The following LMTK2 variants were observed in gnomAD, a reference collection of about 807,000 sequenced individuals.
The protein encoded by LMTK2 is serine/threonine-protein kinase LMTK2.
In LMTK2, 37 loss-of-function variants were observed where a neutral mutation model predicts 127.5. The observed-to-expected ratio is 0.29, with a 90% CI of 0.22 to 0.38. The LOEUF (loss-of-function observed/expected upper bound fraction) is 0.38, where lower values mean the gene tolerates loss of function less well. LMTK2 is among the 10% of genes least tolerant of loss of function. The pLI is 1.00. For synonymous variants in LMTK2, 819 were observed against 810.1 expected (o/e 1.01, Z -0.19); for missense variants, 1,694 against 1,920.3 (o/e 0.88, Z 2.20).
At chr7:98,191,419 G>T (rs1477898084) in intron 10 of LMTK2, among the ~76,000 whole-genome samples, 195 bp from the exon 11 acceptor site, 2 of 152,122 alleles carry the variant, frequency 1.3e-5, no homozygotes, top group Non-Finnish European at 2.9e-5. Context: ...GGGCGCGGCA[G>T]CGGGCGCCTG....
At chr7:98,131,147 T>A (rs1203466341) in intron 1 of LMTK2, among the ~76,000 whole-genome samples, 1 of 152,180 alleles carries the variant, frequency 6.6e-6, no homozygotes, top group Non-Finnish European at 1.5e-5. Flanking sequence ...AGTAGGTCAC[T>A]ATCTCCAAAA....
At chr7:98,173,222 G>T (rs530917801) in intron 7 of LMTK2, among the ~76,000 whole-genome samples, 2 of 152,222 alleles carry the variant, frequency 1.3e-5, no homozygotes, top group South Asian at 4.2e-4. Flanking sequence ...CTTCAAGGGG[G>T]GACAGAGGAA....
chr7:98,172,702 A>G (rs1797212151), intron 7 of LMTK2, among the ~76,000 whole-genome samples: 1 of 152,218 alleles, frequency 6.6e-6, no homozygotes, highest in South Asian at 2.1e-4. Flanking sequence ...TGACCTAAAA[A>G]GGAACACCTG....
chr7:98,193,360 G>A lies in LMTK2; in HGVS notation c.2895G>A (p.Val965=). The part of the protein sequence containing the change: ...SKDAAKEAGL[V]SALSSDSTSQ... The stretch of plus-strand genomic sequence containing the variant: ...ACGCAGCAAAAGAAGCAGGCTTGGT[G>A]TCTGCCCTCTCCTCGGACTCAACCA... Residue 965 remains valine, a synonymous_variant, in exon 11 of 14, where the codon GTG becomes GTA. Transcript: ENST00000297293. This position sits in a 1 kb window ranked among gnomAD's most constrained non-coding sequence, Gnocchi z 4.1. The A allele has an allele frequency of 1.2e-6, 2 of 1,614,172 alleles. No homozygotes were observed. Among genetic ancestry groups the A allele is most frequent in the South Asian group, 1.1e-5 (1 of 91,086 alleles).
chr7:98,145,288 AAAATC>A (rs1021655423), intron 3 of LMTK2, among the ~76,000 whole-genome samples: 1 of 152,138 alleles, frequency 6.6e-6, no homozygotes, highest in African/African-American at 2.4e-5. Context: ...AAAAAAAAAA[AAAATC>A]AATCACACAT....
intron 1 of LMTK2, among the ~76,000 whole-genome samples, chr7:98,122,532 AAACAAGGCATT>A (rs1319701620): frequency 2.0e-5 from 3 of 152,082 alleles, no homozygotes. Flanking sequence ...CAGCTCTTTA[AAACAAGGCATT>A]GTGACCCATG....
At chr7:98,163,787 G>C (rs1353495620) in intron 6 of LMTK2, among the ~76,000 whole-genome samples, 1 of 152,196 alleles carries the variant, frequency 6.6e-6, no homozygotes, top group African/African-American at 2.4e-5. Context: ...AGGCCTTTCT[G>C]ATCAGAGGGG....
chr7:98,184,120 C>T (rs989393845), intron 7 of LMTK2, among the ~76,000 whole-genome samples: 9 of 152,110 alleles, frequency 5.9e-5, no homozygotes, highest in African/African-American at 1.9e-4. Context: ...ATCCAAGTGC[C>T]CTGTTCAACC....
At chr7:98,139,168 C>T (rs1028492974) in intron 2 of LMTK2, among the ~76,000 whole-genome samples, 8 of 152,154 alleles carry the variant, frequency 5.3e-5, no homozygotes, top group African/African-American at 1.7e-4. Context: ...CTCTGTCACC[C>T]AGGCTGGATC....
chr7:98,108,888 C>G (rs781196181), intron 1 of LMTK2, among the ~76,000 whole-genome samples: 1 of 114,916 alleles, frequency 8.7e-6, no homozygotes, highest in Non-Finnish European at 1.7e-5. Flanking sequence ...GAGACGGAGT[C>G]TTGCTCTGTC....
rs140462193 is a variant in LMTK2 at position 98,201,845 on chromosome 7, A to G, written c.4108-1729A>G. Among the ~76,000 whole-genome samples the G allele has an allele frequency of 2.1e-3, 316 of 152,256 alleles. 3 individuals carry two copies. The highest frequency in any genetic ancestry group is 7.3e-3 in the African/African-American group (304 of 41,550). ...GGCTGGTTTTGAACTCCTGGCCTCA[A>G]GGGATCCTCCTGCTTCAGCCACCCA... On this transcript the variant is annotated intron_variant, in intron 11 of 13. Transcript: ENST00000297293.
In LMTK2 at chr7:98,193,519, C is replaced by G. The variant is rs1368024558; in HGVS notation, c.3054C>G (p.Pro1018=). ...TGGACTCTTTAGGATCTCACACTCC[C>G]CAGAAACTAGTGCCCCCCGATAAGC... ...ALLDSLGSHT[P]QKLVPPDKPA... The change falls in exon 11 of 14, where the codon CCC becomes CCG. Residue 1018 remains proline (P), a synonymous_variant. Coordinates refer to ENST00000297293, the MANE Select transcript of LMTK2 (RefSeq NM_014916.4). The surrounding 1 kb of genome is among the most constrained non-coding windows in gnomAD (Gnocchi z 4.1). The G allele has an allele frequency of 1.9e-6, 3 of 1,614,160 alleles. No homozygotes were observed. The highest frequency in any genetic ancestry group is 3.3e-5 in the Admixed American group (2 of 60,020).
chr7:98,119,505 A>T (rs1212316632), intron 1 of LMTK2, among the ~76,000 whole-genome samples: 1 of 152,150 alleles, frequency 6.6e-6, no homozygotes, highest in African/African-American at 2.4e-5. Flanking sequence ...TGAAATAAGT[A>T]TTTTTTTATT....
chr7:98,178,276 G>T (rs1182920487), intron 7 of LMTK2, among the ~76,000 whole-genome samples: 1 of 152,192 alleles, frequency 6.6e-6, no homozygotes, highest in Non-Finnish European at 1.5e-5. Flanking sequence ...TAGAGGTGTG[G>T]ATTATTTTGA....
intron 1 of LMTK2, among the ~76,000 whole-genome samples, chr7:98,126,414 G>T (rs1351592829): frequency 2.0e-5 from 3 of 152,188 alleles, no homozygotes. Flanking sequence ...TCCCGTTCCT[G>T]CATCGGCTTC....
At chr7:98,121,578 G>T (rs923259563) in intron 1 of LMTK2, among the ~76,000 whole-genome samples, 7 of 151,462 alleles carry the variant, frequency 4.6e-5, no homozygotes, top group African/African-American at 1.7e-4. Context: ...AGGTTGCAGT[G>T]AGCCGAGATT....
At chr7:98,130,759 C>T (rs1584252115) in intron 1 of LMTK2, among the ~76,000 whole-genome samples, 1 of 152,294 alleles carries the variant, frequency 6.6e-6, no homozygotes, top group East Asian at 1.9e-4. Flanking sequence ...AACCCTGCCA[C>T]CACAGCCCTC....
At chr7:98,126,164 GCAGA>G (rs1002944579) in intron 1 of LMTK2, among the ~76,000 whole-genome samples, 5 of 152,202 alleles carry the variant, frequency 3.3e-5, no homozygotes, top group African/African-American at 1.2e-4. Flanking sequence ...GAAGTAAGGA[GCAGA>G]CATTTAGGCC....
chr7:98,128,698 C>T (rs1796478225), intron 1 of LMTK2, among the ~76,000 whole-genome samples: 1 of 152,134 alleles, frequency 6.6e-6, no homozygotes, highest in African/African-American at 2.4e-5. Context: ...GTCCTGTGCT[C>T]CAGGGGCTCC....
Sources: gnomAD v4.1 joint callset for allele counts (sites outside exome capture counted in the v4.1 genomes callset) on GRCh38, gnomAD v4.1.1 for gene constraint, Gnocchi (gnomAD v3.1) non-coding constraint, MANE v1.5 for transcripts, NCBI Gene and HGNC (gene_info 2026-07-23, HGNC 2026-07-21) for gene names.